LNP1: variants seen among roughly 807,000 people sequenced by gnomAD.
LNP1 encodes leukemia NUP98 fusion partner 1.
LNP1 carries 12 observed loss-of-function variants against 14.5 expected under a neutral mutation model. That is an observed-to-expected ratio of 0.83 (90% CI 0.53 to 1.34). The LOEUF (loss-of-function observed/expected upper bound fraction) is 1.34, where lower values mean the gene tolerates loss of function less well. LNP1 is among the 40% of genes most tolerant of loss of function. LNP1 has a pLI of 0.00. For missense variants in LNP1, 198 were observed against 210.9 expected (o/e 0.94, Z 0.38); for synonymous variants, 75 against 71.4 (o/e 1.05, Z -0.26).
chr3:100,453,100 A>G (rs892023895), intron 3 of LNP1, among the ~76,000 whole-genome samples: 1 of 152,154 alleles, frequency 6.6e-6, no homozygotes, highest in Non-Finnish European at 1.5e-5. Flanking sequence ...TTCATTGTCC[A>G]CCTGAGCACA....
chr3:100,451,895 T>C lies in LNP1; in HGVS notation c.333T>C (p.Phe111=), dbSNP rs1409908629. 5.9e-6 allele frequency: 9 copies of C among 1,517,854 alleles called. No individual in the cohort carries two copies. The highest frequency in any genetic ancestry group is 7.1e-6 in the Non-Finnish European group (8 of 1,132,498). 94.0% of individuals were successfully genotyped at this position (1,517,854 alleles called of 1,614,324 possible). A position where few individuals can be genotyped will look rare whatever the true frequency, so the allele number is the denominator to read the frequency against. Residue 111 remains phenylalanine, a synonymous_variant, in exon 3 of 4, where the codon TTT becomes TTC. Transcript: ENST00000383693. ...KGRSHSKIEK[F]SESFERQLCF... ...GATCCCATTCCAAAATTGAGAAATTTTCAGAGTCCTTTGAACGGCAACTGT... is the reference window on the plus strand; with the variant it reads ...GATCCCATTCCAAAATTGAGAAATTCTCAGAGTCCTTTGAACGGCAACTGT...
At chr3:100,429,981 C>T in intron 2 of LNP1, 96 bp downstream of exon 2, 1 of 1,339,198 alleles carries the variant, frequency 7.5e-7, no homozygotes, top group South Asian at 1.5e-5. Flanking sequence ...ATAAAGTTTT[C>T]TTTGGTTTAA....
At chr3:100,428,467 G>A (rs112416427) in intron 1 of LNP1, among the ~76,000 whole-genome samples, 2 of 151,650 alleles carry the variant, frequency 1.3e-5, no homozygotes, top group African/African-American at 4.9e-5. Flanking sequence ...GGGAAGTGGG[G>A]GTTGCAGTGA....
At chr3:100,415,520 AATTG>A (rs1707074466) in intron 1 of LNP1, among the ~76,000 whole-genome samples, 1 of 152,220 alleles carries the variant, frequency 6.6e-6, no homozygotes, top group Non-Finnish European at 1.5e-5. Context: ...TGGAATTGTA[AATTG>A]ATTGAACTAC....
intron 2 of LNP1, among the ~76,000 whole-genome samples, chr3:100,436,020 G>A (rs981340384): frequency 1.3e-5 from 2 of 152,170 alleles, no homozygotes; most frequent in Non-Finnish European, 2.9e-5. Flanking sequence ...AATGGCTGAT[G>A]GAACAAGGGA....
chr3:100,439,609 C>G (rs900069954), intron 2 of LNP1, among the ~76,000 whole-genome samples: 5 of 152,146 alleles, frequency 3.3e-5, no homozygotes, highest in African/African-American at 9.7e-5. Flanking sequence ...TCCTCTACCC[C>G]CCTAACACCC....
At chr3:100,441,912 G>A (rs567063446) in intron 2 of LNP1, among the ~76,000 whole-genome samples, 3 of 152,010 alleles carry the variant, frequency 2.0e-5, no homozygotes, top group African/African-American at 2.4e-5. Flanking sequence ...TGATCCACTC[G>A]CCTCGGCCTC....
At chr3:100,418,428 G>A (rs370635817) in intron 1 of LNP1, among the ~76,000 whole-genome samples, 1 of 151,276 alleles carries the variant, frequency 6.6e-6, no homozygotes, top group African/African-American at 2.4e-5. Flanking sequence ...TGTTTTGTAG[G>A]TACTTTTTTT....
At chr3:100,438,098 A>G (rs1707308925) in intron 2 of LNP1, among the ~76,000 whole-genome samples, 1 of 152,142 alleles carries the variant, frequency 6.6e-6, no homozygotes, top group Admixed American at 6.5e-5. Context: ...GGGTCTTACT[A>G]TGCCAGCACC....
chr3:100,402,987 C>G (rs1706927413), intron 1 of LNP1, among the ~76,000 whole-genome samples: 4 of 152,160 alleles, frequency 2.6e-5, no homozygotes, highest in African/African-American at 2.4e-5. Flanking sequence ...CGAATCTGTT[C>G]TGGTTACTTT....
chr3:100,429,421 C>T (rs1707222893), intron 1 of LNP1, among the ~76,000 whole-genome samples: 1 of 152,162 alleles, frequency 6.6e-6, no homozygotes, highest in African/African-American at 2.4e-5. Flanking sequence ...CTGCATCCCA[C>T]CCTTAGGCTG....
intron 1 of LNP1, among the ~76,000 whole-genome samples, chr3:100,411,820 TC>T (rs1707034515): frequency 1.3e-5 from 2 of 152,004 alleles, no homozygotes; most frequent in South Asian, 2.1e-4. Flanking sequence ...CTCCCCAAAG[TC>T]CCATCTCCAA....
At chr3:100,447,978 T>C (rs963182597) in intron 2 of LNP1, among the ~76,000 whole-genome samples, 1 of 152,214 alleles carries the variant, frequency 6.6e-6, no homozygotes. Context: ...AACTGGAAAA[T>C]ACCCAAATAA....
intron 1 of LNP1, among the ~76,000 whole-genome samples, chr3:100,409,146 C>T (rs868599841): frequency 1.6e-4 from 24 of 152,114 alleles, no homozygotes; most frequent in African/African-American, 5.1e-4. Flanking sequence ...TAGAACAAAA[C>T]TTGACCCACT....
chr3:100,406,029 T>C (rs1040355252), intron 1 of LNP1, among the ~76,000 whole-genome samples: 1 of 152,222 alleles, frequency 6.6e-6, no homozygotes, highest in Non-Finnish European at 1.5e-5. Flanking sequence ...CTTGTGCCTG[T>C]AATCCCAACA....
chr3:100,439,030 T>C (rs776859995), intron 2 of LNP1, among the ~76,000 whole-genome samples: 10 of 152,184 alleles, frequency 6.6e-5, no homozygotes, highest in Non-Finnish European at 1.5e-4. Flanking sequence ...AGTTCTCTTT[T>C]AGGCCCATTT....
chr3:100,438,390 T>C (rs1360929359), intron 2 of LNP1, among the ~76,000 whole-genome samples: 1 of 152,194 alleles, frequency 6.6e-6, no homozygotes, highest in Non-Finnish European at 1.5e-5. Flanking sequence ...TACTCCCAGA[T>C]ATGCATACCT....
chr3:100,450,263 C>T (rs1027457238), intron 2 of LNP1, among the ~76,000 whole-genome samples: 3 of 151,220 alleles, frequency 2.0e-5, no homozygotes, highest in African/African-American at 7.3e-5. Context: ...AACAGTTAAA[C>T]GATGGCACAA....
intron 2 of LNP1, among the ~76,000 whole-genome samples, chr3:100,434,831 CT>C (rs57009371): frequency 0.56 from 79,080 of 140,292 alleles, 23,484 homozygotes; most frequent in Non-Finnish European, 0.69. Flanking sequence ...ACCCGGCTGT[CT>C]TTTTTTTTTT....
Sources: allele counts gnomAD v4.1 joint callset (sites outside exome capture counted in the v4.1 genomes callset), GRCh38; gene constraint gnomAD v4.1.1; transcripts MANE v1.5; gene names NCBI Gene and HGNC (gene_info 2026-07-23, HGNC 2026-07-21).